NINL: variants seen among roughly 807,000 people sequenced by gnomAD.
The protein encoded by NINL is ninein like, also known as ninein-like protein.
In NINL, 153 loss-of-function variants were observed where a neutral mutation model predicts 160.3. The observed-to-expected ratio is 0.95, with a 90% CI of 0.84 to 1.09. NINL has a LOEUF of 1.09. NINL is among the 50% of genes least tolerant of loss of function. The pLI, the probability that NINL is intolerant of heterozygous loss-of-function variation, is 0.00. For synonymous variants in NINL, 800 were observed against 734.8 expected (o/e 1.09, Z -1.43); for missense variants, 1,829 against 1,764.0 (o/e 1.04, Z -0.66).
intron 1 of NINL, among the ~76,000 whole-genome samples, chr20:25,536,732 G>A (rs1428576460): frequency 3.6e-5 from 5 of 139,950 alleles, no homozygotes; most frequent in Non-Finnish European, 6.1e-5. Context: ...AAAAAAAAAG[G>A]TAAGCCAGTA....
intron 1 of NINL, among the ~76,000 whole-genome samples, chr20:25,566,935 C>T (rs915406450): frequency 6.6e-6 from 1 of 151,942 alleles, no homozygotes; most frequent in Non-Finnish European, 1.5e-5. Flanking sequence ...AAGAGGGTCA[C>T]TAGAGGCCAG....
intron 9 of NINL, 104 bp downstream of exon 9, chr20:25,498,106 G>T: frequency 7.3e-7 from 1 of 1,368,890 alleles, no homozygotes; most frequent in Non-Finnish European, 1.0e-6. Flanking sequence ...CTGGCCATGT[G>T]GGGTGGATAA....
intron 21 of NINL, among the ~76,000 whole-genome samples, chr20:25,460,857 C>G (rs2062767183): frequency 6.6e-6 from 1 of 152,186 alleles, no homozygotes; most frequent in Admixed American, 6.5e-5. Flanking sequence ...TCTCTGTAGC[C>G]AAGCTTCCAA....
Position 25,548,987 on chromosome 20 carries a change from C to T in NINL, c.-11-22389G>A, listed in dbSNP as rs1276652631. ...CCAGCACCCACGGCCAAACCTCCTA[C>T]GCCCAGCCTCACCCAGGGCTGACCC... On this transcript the variant is annotated intron_variant, in intron 1 of 23. Transcript: ENST00000278886. 3.5e-5 allele frequency among the ~76,000 whole-genome samples: 5 copies of T among 144,332 alleles called. No homozygotes were observed. In the South Asian group the frequency reaches 6.8e-4, roughly 19 times the overall value. 94.7% of individuals were successfully genotyped at this position (144,332 alleles called of 152,430 possible).
chr20:25,548,791 G>C (rs1205761940), intron 1 of NINL, among the ~76,000 whole-genome samples: 51 of 74,832 alleles, frequency 6.8e-4, no homozygotes, highest in East Asian at 9.0e-4. Flanking sequence ...CTCCCACACA[G>C]AGACTCACCC....
In NINL at chr20:25,562,557, G is replaced by A. The variant is rs569114601; in HGVS notation, c.-12+22898C>T. 9.7e-3 allele frequency among the ~76,000 whole-genome samples: 1,200 copies of A among 123,720 alleles called. 32 individuals carry two copies. The highest frequency in any genetic ancestry group is 0.036 in the African/African-American group (1,156 of 32,502). 81.2% of individuals were successfully genotyped at this position (123,720 alleles called of 152,430 possible). A position where few individuals can be genotyped will look rare whatever the true frequency, so the allele number is the denominator to read the frequency against. On this transcript the variant is annotated intron_variant, in intron 1 of 23. Coordinates refer to ENST00000278886, the MANE Select transcript of NINL (RefSeq NM_025176.6). ...ACTCAGGGTTAAATGGATTAAGGGC[G>A]GTGCTAGATGTGCTTTGTTAAACAG...
At chr20:25,478,763 C>T (rs1044994343) in intron 16 of NINL, 160 bp downstream of exon 16, 2 of 686,544 alleles carry the variant, frequency 2.9e-6, no homozygotes, top group Middle Eastern at 4.2e-4. Flanking sequence ...CCAGAATCCT[C>T]ATGCCAGGAC....
intron 1 of NINL, among the ~76,000 whole-genome samples, chr20:25,545,593 T>A (rs949432429): frequency 6.6e-6 from 1 of 152,028 alleles, no homozygotes; most frequent in Non-Finnish European, 1.5e-5. Context: ...TATGCCCTCC[T>A]CCCTTTAGAA....
intron 20 of NINL, 37 bp downstream of exon 20, chr20:25,462,346 G>T (rs758919680): frequency 8.5e-7 from 1 of 1,183,132 alleles, no homozygotes; most frequent in South Asian, 1.4e-5. Context: ...TGAGCTCCCA[G>T]CCTCCAGCTC....
rs1006357587 is a variant in NINL at position 25,453,278 on chromosome 20, C to G, written c.*173G>C. The G allele has an allele frequency of 1.8e-5, 9 of 499,328 alleles. No homozygotes were observed. The highest frequency in any genetic ancestry group is 3.0e-5 in the Non-Finnish European group (9 of 298,822). 30.9% of individuals were successfully genotyped at this position (499,328 alleles called of 1,614,324 possible). ...GCAACATGCATATTCCCCCAGCCCC[C>G]ACCTCCATCTTGCCCAGGGCAGACC... On this transcript the variant is annotated 3_prime_UTR_variant, in exon 24 of 24. Coordinates refer to ENST00000278886, the MANE Select transcript of NINL (RefSeq NM_025176.6).
chr20:25,532,939 C>T (rs998166527), intron 1 of NINL, among the ~76,000 whole-genome samples: 1 of 152,192 alleles, frequency 6.6e-6, no homozygotes, highest in South Asian at 2.1e-4. Flanking sequence ...CAAATGGAGG[C>T]AGTTGGAAAC....
intron 3 of NINL, 139 bp from the exon 4 acceptor site, chr20:25,513,145 C>A (rs1028195234): frequency 1.3e-6 from 1 of 763,830 alleles, no homozygotes; most frequent in Non-Finnish European, 2.0e-6. Context: ...CACACAGAAG[C>A]ATCTGGAAAG....
chr20:25,551,765 G>A (rs1332515408), intron 1 of NINL, among the ~76,000 whole-genome samples: 2 of 152,232 alleles, frequency 1.3e-5, no homozygotes, highest in South Asian at 2.1e-4. Flanking sequence ...AGCAGGAAGA[G>A]TGATTGATCC....
At chr20:25,517,604 G>A in intron 3 of NINL, 149 bp downstream of exon 3, 1 of 616,566 alleles carries the variant, frequency 1.6e-6, no homozygotes, top group South Asian at 2.2e-5. Flanking sequence ...AAAACATCAA[G>A]TGTTTTTTCC....
At chr20:25,493,552 G>T (rs999585634) in intron 10 of NINL, among the ~76,000 whole-genome samples, 1 of 152,150 alleles carries the variant, frequency 6.6e-6, no homozygotes, top group Non-Finnish European at 1.5e-5. Flanking sequence ...CTCCTCTGGA[G>T]ATCCAAGCTG....
chr20:25,554,922 C>T (rs182233769), intron 1 of NINL, among the ~76,000 whole-genome samples: 2 of 152,326 alleles, frequency 1.3e-5, no homozygotes, highest in Admixed American at 1.3e-4. Flanking sequence ...ATTATCATAG[C>T]TCCACGGGCC....
chr20:25,473,486 T>TAATA (rs1555846380), intron 17 of NINL, among the ~76,000 whole-genome samples: 1 of 100,826 alleles, frequency 9.9e-6, no homozygotes. Flanking sequence ...TAAAATAAAA[T>TAATA]AATAAAATAA....
intron 16 of NINL, among the ~76,000 whole-genome samples, chr20:25,478,210 A>G (rs1013063176): frequency 1.3e-5 from 2 of 152,140 alleles, no homozygotes; most frequent in African/African-American, 2.4e-5. Flanking sequence ...TTGGCCTCCC[A>G]AAGTGCTGAT....
intron 13 of NINL, among the ~76,000 whole-genome samples, chr20:25,485,092 T>C (rs989486349): frequency 1.3e-5 from 2 of 152,096 alleles, no homozygotes; most frequent in Non-Finnish European, 1.5e-5. Flanking sequence ...CTCAAAAATA[T>C]CAATGTCATA....
Sources: allele counts gnomAD v4.1 joint callset (sites outside exome capture counted in the v4.1 genomes callset), GRCh38; gene constraint gnomAD v4.1.1; transcripts MANE v1.5; gene names NCBI Gene and HGNC (gene_info 2026-07-23, HGNC 2026-07-21).